The following LRRC1 variants were observed in gnomAD, a reference collection of about 807,000 sequenced individuals.
LRRC1 encodes the protein leucine rich repeat containing 1, also known as leucine-rich repeat-containing protein 1.
A neutral mutation model predicts 69.9 loss-of-function variants in LRRC1; 28 were observed. The ratio of observed to expected loss-of-function variants is 0.40; its 90% CI spans 0.30 to 0.55. The LOEUF is 0.55. Among genes scored for constraint, LRRC1 ranks in the 20% least tolerant of loss-of-function variants. The pLI is 0.47. For synonymous variants in LRRC1, 236 were observed against 240.2 expected, an observed-to-expected ratio of 0.98 and a Z score of 0.16; for missense variants, 498 against 609.0, an observed-to-expected ratio of 0.82 and a Z score of 1.92.
rs1442623288 is a variant in LRRC1, at chr6:53,822,226, A to G, written c.160-19884A>G. On this transcript the variant is annotated intron_variant, in intron 1 of 13. Coordinates refer to ENST00000370888, the MANE Select transcript of LRRC1 (RefSeq NM_018214.5). ...CAGAGGAGTTGGGGAGGATACAGCA[A>G]TAGTGAAGGCTCAGATGCCAGAGAA... 4.6e-5 allele frequency among the ~76,000 whole-genome samples: 7 copies of G among 152,160 alleles called. No homozygotes were observed. The South Asian group carries it at 1.2e-3, about 27-fold the overall frequency.
chr6:53,883,860 T>G lies in LRRC1; in HGVS notation c.446+884T>G. On this transcript the variant is annotated intron_variant, in intron 4 of 13. Coordinates refer to ENST00000370888, the MANE Select transcript of LRRC1 (RefSeq NM_018214.5). ...AACCACAGTAAGCAGTTGAGCACAG[T>G]CTGACATGTCTGTTTTGCAAAAGTT... 5 of 714,178 alleles carry G rather than the reference T, an allele frequency of 7.0e-6. No homozygotes were observed. In the South Asian group the frequency reaches 7.4e-5, roughly 11 times the overall value. The allele number at this position is 714,178 out of a possible 1,614,324, so 44.2% of individuals were successfully genotyped here.
chr6:53,896,996 G>T (rs1306071599), intron 6 of LRRC1, 104 bp downstream of exon 6: 2 of 758,212 alleles, frequency 2.6e-6, no homozygotes, highest in Middle Eastern at 3.6e-4. Flanking sequence ...TATTTCCACA[G>T]ATGTAACTTG....
intron 5 of LRRC1, 40 bp from the exon 6 acceptor site, chr6:53,896,788 TA>T: frequency 7.7e-7 from 1 of 1,293,204 alleles, no homozygotes; most frequent in Non-Finnish European, 1.1e-6. Flanking sequence ...TCAGCATTTC[TA>T]AGTATTCTCT....
intron 2 of LRRC1, among the ~76,000 whole-genome samples, chr6:53,851,161 CAG>C (rs1268725462): frequency 7.2e-6 from 1 of 138,170 alleles, no homozygotes; most frequent in African/African-American, 2.7e-5. Context: ...TCCAGGGAAA[CAG>C]AACTAATAGG....
intron 1 of LRRC1, among the ~76,000 whole-genome samples, chr6:53,841,798 G>A (rs534550412): frequency 2.0e-5 from 3 of 151,960 alleles, no homozygotes; most frequent in African/African-American, 4.8e-5. Context: ...TTCATAAGTC[G>A]ATATTTCTGT....
At chr6:53,796,455 C>T (rs1296884507) in intron 1 of LRRC1, among the ~76,000 whole-genome samples, 1 of 152,144 alleles carries the variant, frequency 6.6e-6, no homozygotes, top group South Asian at 2.1e-4. Flanking sequence ...GGGGATTGGA[C>T]CTGTTTTAGG....
At chr6:53,874,134 G>T (rs1026009396) in intron 2 of LRRC1, among the ~76,000 whole-genome samples, 1 of 152,178 alleles carries the variant, frequency 6.6e-6, no homozygotes, top group African/African-American at 2.4e-5. Flanking sequence ...ACATGGGAGG[G>T]CCAGCACTCA....
chr6:53,870,190 G>A (rs940156048), intron 2 of LRRC1, among the ~76,000 whole-genome samples: 2 of 151,960 alleles, frequency 1.3e-5, no homozygotes, highest in East Asian at 1.9e-4. Flanking sequence ...TCCTCTGATC[G>A]CTGAATTCCA....
At chr6:53,822,661 A>G (rs1451265257) in intron 1 of LRRC1, among the ~76,000 whole-genome samples, 1 of 152,192 alleles carries the variant, frequency 6.6e-6, no homozygotes, top group East Asian at 1.9e-4. Flanking sequence ...TACCAGACAA[A>G]TGGCCACCTC....
In LRRC1 at chr6:53,902,686, C is replaced by A; in HGVS notation, c.845C>A (p.Pro282His). The change falls in exon 9 of 14, where the codon CCT becomes CAT. Residue 282 changes from proline to histidine, a missense_variant. Physicochemically the swap from Pro to His is moderately conservative, Grantham distance 77 (BLOSUM62 -2). This residue lies in a region of LRRC1 where 266 missense variants were observed against 383.9 expected (regional missense o/e 0.69). Transcript: ENST00000370888. ...GATCAGAATAGACTCACACAGTTGC[C>A]TGAAGCAGTTGGGGAATGTGAAAGT... The part of the protein sequence containing the change: ...KVDQNRLTQL[P>H]EAVGECESLT... 1 of 1,613,472 alleles carries A rather than the reference C, an allele frequency of 6.2e-7. No individual in the cohort carries two copies. Among genetic ancestry groups the A allele is most frequent in the Non-Finnish European group, 8.5e-7 (1 of 1,179,698 alleles).
At chr6:53,823,547 T>C (rs531025862) in intron 1 of LRRC1, among the ~76,000 whole-genome samples, 10 of 152,320 alleles carry the variant, frequency 6.6e-5, no homozygotes, top group Non-Finnish European at 1.3e-4. Context: ...AGGTTTGTTA[T>C]ACAAGTAAAC....
At chr6:53,845,081 G>A (rs1472467323) in intron 2 of LRRC1, among the ~76,000 whole-genome samples, 1 of 152,188 alleles carries the variant, frequency 6.6e-6, no homozygotes, top group Admixed American at 6.5e-5. Context: ...GCACGTGCCT[G>A]TAATCCCAGC....
At chr6:53,862,110 C>A (rs551178974) in intron 2 of LRRC1, among the ~76,000 whole-genome samples, 2 of 152,290 alleles carry the variant, frequency 1.3e-5, no homozygotes, top group African/African-American at 4.8e-5. Context: ...GACTCCATTT[C>A]TCTAGAGAAT....
chr6:53,883,225 C>T (rs1767359429), intron 4 of LRRC1, among the ~76,000 whole-genome samples: 1 of 152,156 alleles, frequency 6.6e-6, no homozygotes, highest in Non-Finnish European at 1.5e-5. Flanking sequence ...TTTGGAAGTG[C>T]TCTTTAAACT....
chr6:53,814,036 T>C (rs1764877255), intron 1 of LRRC1, among the ~76,000 whole-genome samples: 1 of 152,216 alleles, frequency 6.6e-6, no homozygotes, highest in African/African-American at 2.4e-5. Context: ...GTTTGTTTCT[T>C]GATTCGTACT....
In LRRC1 at chr6:53,884,635, A is replaced by G. The variant is rs575410990; in HGVS notation, c.446+1659A>G. Among the ~76,000 whole-genome samples the G allele has an allele frequency of 1.1e-4, 16 of 152,088 alleles. No individual in the cohort carries two copies. In the South Asian group the frequency reaches 3.1e-3, roughly 30 times the overall value. ...TCCCTTATTACTCTCCCTTCCATTC[A>G]TTCTTAGTCTGCAGCTGCCTAGATG... is the stretch of plus-strand genomic sequence containing the variant. On this transcript the variant is annotated intron_variant, in intron 4 of 13. Coordinates refer to ENST00000370888, the MANE Select transcript of LRRC1 (RefSeq NM_018214.5).
rs70980877 is a variant in LRRC1 at position 53,892,011 on chromosome 6, T to TACAC, written c.447-4453_447-4450dup. Among the ~76,000 whole-genome samples the TACAC allele has an allele frequency of 1.3e-3, 180 of 135,364 alleles. 2 individuals carry two copies. The highest frequency in any genetic ancestry group is 2.1e-3 in the African/African-American group (74 of 35,034). 88.8% of individuals were successfully genotyped at this position (135,364 alleles called of 152,430 possible). On this transcript the variant is annotated intron_variant, in intron 4 of 13. Transcript: ENST00000370888. ...TGTCTAAAAAAAAAATATATATATA[T>TACAC]ACACACACACACACACACACACACA...
At chr6:53,811,889 T>G (rs1270533135) in intron 1 of LRRC1, among the ~76,000 whole-genome samples, 1 of 152,248 alleles carries the variant, frequency 6.6e-6, no homozygotes, top group African/African-American at 2.4e-5. Context: ...ATGCAGTGAA[T>G]GCATATTGAT....
In LRRC1 at chr6:53,851,252, ATCTC is replaced by A. The variant is rs200464292; in HGVS notation, c.277+9033_277+9036del. ...TCATATATATATGAATCTATTCCTA[ATCTC>A]TCTCTCTGAGACAGATTTATTAGGA... On this transcript the variant is annotated intron_variant, in intron 2 of 13. Coordinates refer to ENST00000370888, the MANE Select transcript of LRRC1 (RefSeq NM_018214.5). Among the ~76,000 whole-genome samples the A allele has an allele frequency of 2.8e-3, 419 of 151,298 alleles. 3 individuals are homozygous for A. The East Asian group carries it at 0.041, about 15-fold the overall frequency.
Sources: gnomAD v4.1 joint callset for allele counts (sites outside exome capture counted in the v4.1 genomes callset) on GRCh38, gnomAD v4.1.1 for gene constraint, gnomAD v4.1.1 regional missense constraint, MANE v1.5 for transcripts, NCBI Gene and HGNC (gene_info 2026-07-23, HGNC 2026-07-21) for gene names.